PCDHGC5: variants seen among roughly 807,000 people sequenced by gnomAD.
PCDHGC5 encodes protocadherin gamma-C5.
In PCDHGC5, 25 loss-of-function variants were observed where a neutral mutation model predicts 59.0. That is an observed-to-expected ratio of 0.42 (90% CI 0.31 to 0.59). The LOEUF is 0.59. Among genes scored for constraint, PCDHGC5 ranks in the 20% least tolerant of loss-of-function variants. The pLI, the probability that PCDHGC5 is intolerant of heterozygous loss-of-function variation, is 0.13. For missense variants in PCDHGC5, 1,067 were observed against 1,206.4 expected, an observed-to-expected ratio of 0.88 and a Z score of 1.71; for synonymous variants, 434 against 505.5, an observed-to-expected ratio of 0.86 and a Z score of 1.90.
chr5:141,495,939 G>A (rs1408330065), intron 2 of PCDHGC5, among the ~76,000 whole-genome samples: 1 of 151,994 alleles, frequency 6.6e-6, no homozygotes, highest in Non-Finnish European at 1.5e-5. Context: ...TCTGGTCTCT[G>A]TGCCTGTTGT....
rs2099883775 is a variant in PCDHGC5 at position 141,511,415 on chromosome 5, A to G, written c.*242A>G. On this transcript the variant is annotated 3_prime_UTR_variant, in exon 4 of 4. Transcript: ENST00000252087. ...CCCCATCCAATCAACTGCTGTACCC[A>G]TGGGGGTAGTGGGGTTACTGTAGAC... 1.2e-6 allele frequency: 1 copy of G among 868,992 alleles called. No individual in the cohort carries two copies. The highest frequency in any genetic ancestry group is 2.9e-5 in the East Asian group (1 of 34,592). The allele number at this position is 868,992 out of a possible 1,614,324, so 53.8% of individuals were successfully genotyped here.
chr5:141,506,544 G>GT (rs2099854759), intron 3 of PCDHGC5, among the ~76,000 whole-genome samples: 1 of 151,880 alleles, frequency 6.6e-6, no homozygotes, highest in Non-Finnish European at 1.5e-5. Flanking sequence ...GAGTCCTTAG[G>GT]TAAGTTATTA....
At chr5:141,507,171 C>T (rs183042063) in intron 3 of PCDHGC5, 3 of 152,462 alleles carry the variant, frequency 2.0e-5, no homozygotes, top group South Asian at 2.1e-4. Context: ...AGGCTGTCCT[C>T]TTCCTCGAGC....
At position 141,493,774 on chromosome 5, in the gene PCDHGC5, C is replaced by T. The variant is rs2099749996; in HGVS notation, c.2461-1033C>T. On this transcript the variant is annotated intron_variant, in intron 1 of 3. Coordinates refer to ENST00000252087, the MANE Select transcript of PCDHGC5 (RefSeq NM_018929.3). The surrounding 1 kb of genome is among the most constrained non-coding windows in gnomAD (Gnocchi z 4.3). ...GCCTTGAGTGAGCCACTGGCAGTTC[C>T]GGAGCTTCCTTCTCCCTGGAGTAAT... Among the ~76,000 whole-genome samples, 1 of 152,258 alleles carries T rather than the reference C, an allele frequency of 6.6e-6. No homozygotes were observed. The highest frequency in any genetic ancestry group is 1.9e-4 in the East Asian group (1 of 5,176).
rs1193620622 is a variant in PCDHGC5, at chr5:141,512,906, G to A, written c.*1733G>A. On this transcript the variant is annotated 3_prime_UTR_variant, in exon 4 of 4. Coordinates refer to ENST00000252087, the MANE Select transcript of PCDHGC5 (RefSeq NM_018929.3). ...CACCCTCTTCCTGTGTCTCACGCAA[G>A]TTTTATACTCTAATATTTATATGGC... 2.0e-5 allele frequency: 3 copies of A among 152,206 alleles called. No homozygotes were observed. Among genetic ancestry groups the A allele is most frequent in the African/African-American group, 7.2e-5 (3 of 41,438 alleles). The allele number at this position is 152,206 out of a possible 1,614,324, so 9.4% of individuals were successfully genotyped here.
In PCDHGC5 at chr5:141,491,848, C is replaced by A; in HGVS notation, c.2460+148C>A. 1 of 1,461,478 alleles carries A rather than the reference C, an allele frequency of 6.8e-7. No homozygotes were observed. Among genetic ancestry groups the A allele is most frequent in the Non-Finnish European group, 9.1e-7 (1 of 1,104,578 alleles). The allele number at this position is 1,461,478 out of a possible 1,614,324, so 90.5% of individuals were successfully genotyped here. A position where few individuals can be genotyped will look rare whatever the true frequency, so the allele number is the denominator to read the frequency against. On this transcript the variant is annotated intron_variant, in intron 1 of 3. Transcript: ENST00000252087. This position sits in a 1 kb window ranked among gnomAD's most constrained non-coding sequence, Gnocchi z 6.9. ...CACCCGATTCTCGGGATCATTGGAC[C>A]GTTTGCGCGAAACCAGAGTGGCCGA...
chr5:141,496,215 T>C (rs2099767024), intron 2 of PCDHGC5, among the ~76,000 whole-genome samples: 3 of 152,114 alleles, frequency 2.0e-5, no homozygotes, highest in Non-Finnish European at 4.4e-5. Context: ...TATGAATTCC[T>C]GCTGAGACAG....
rs1426255577 is a variant in PCDHGC5, at chr5:141,512,797, TG to T, written c.*1625del. 6.6e-6 allele frequency: 1 copy of T among 152,300 alleles called. No homozygotes were observed. Among genetic ancestry groups the T allele is most frequent in the African/African-American group, 2.4e-5 (1 of 41,444 alleles). The allele number at this position is 152,300 out of a possible 1,614,324, so 9.4% of individuals were successfully genotyped here. On this transcript the variant is annotated 3_prime_UTR_variant, in exon 4 of 4. Transcript: ENST00000252087. ...GCGGCCCGTGTTGTGTTTTGTGCTGTGTCCACGCGCTAAGGCGACCCCCTCC... is the reference window on the plus strand; with the variant it reads ...GCGGCCCGTGTTGTGTTTTGTGCTGTTCCACGCGCTAAGGCGACCCCCTCC...
Position 141,489,160 on chromosome 5 carries a change from C to A in PCDHGC5, c.-81C>A. 1 of 1,029,962 alleles carries A rather than the reference C, an allele frequency of 9.7e-7. No individual in the cohort carries two copies. The highest frequency in any genetic ancestry group is 1.4e-6 in the Non-Finnish European group (1 of 701,366). 63.8% of individuals were successfully genotyped at this position (1,029,962 alleles called of 1,614,324 possible). ...GGCTGGAAGGAGACATAAGAGACTT[C>A]AGCTGCTGCATTCCAAGCCCTGGGT... On this transcript the variant is annotated 5_prime_UTR_variant, in exon 1 of 4. Coordinates refer to ENST00000252087, the MANE Select transcript of PCDHGC5 (RefSeq NM_018929.3). The surrounding 1 kb of genome is among the most constrained non-coding windows in gnomAD (Gnocchi z 4.5).
Position 141,490,849 on chromosome 5 carries a change from C to T in PCDHGC5, c.1609C>T (p.Arg537Ter), listed in dbSNP as rs200640560. The stretch of plus-strand genomic sequence containing the variant: ...GATGCTGCAGATTGTGGTGGGGGTT[C>T]GAGACTCCGGCTCTCCCCCATTGCA... ...LQMLQIVVGVRDSGSPPLHAN... is the reference protein window; with the variant it reads ...LQMLQIVVGV The change falls in exon 1 of 4, where the codon CGA (arginine) becomes TGA (stop). Residue 537 changes from arginine (R) to a stop codon, truncating the protein, a stop_gained. Coordinates refer to ENST00000252087, the MANE Select transcript of PCDHGC5 (RefSeq NM_018929.3). LOFTEE classifies it high-confidence loss of function. This position sits in a 1 kb window ranked among gnomAD's most constrained non-coding sequence, Gnocchi z 5.4. The T allele has an allele frequency of 1.3e-5, 21 of 1,613,748 alleles. No individual in the cohort carries two copies. Among genetic ancestry groups the T allele is most frequent in the Admixed American group, 1.7e-5 (1 of 60,022 alleles).
chr5:141,491,666 G>A lies in PCDHGC5; in HGVS notation c.2426G>A (p.Arg809Gln), dbSNP rs373526771. 9.4e-5 allele frequency: 152 copies of A among 1,613,614 alleles called. No homozygotes were observed. The highest frequency in any genetic ancestry group is 1.2e-4 in the Non-Finnish European group (142 of 1,180,016). The stretch of plus-strand genomic sequence containing the variant: ...CTGGCGCTGGAGCCTGACGCCATCC[G>A]GTCCCGCTCTAATACGCTGCGGGAG... ...TALALEPDAI[R>Q]SRSNTLRERS... is the part of the protein sequence containing the mutation. Residue 809 changes from arginine to glutamine, a missense_variant, in exon 1 of 4, where the codon CGG (arginine) becomes CAG (glutamine). By Grantham distance (43) the Arg-to-Gln change is conservative. Coordinates refer to ENST00000252087, the MANE Select transcript of PCDHGC5 (RefSeq NM_018929.3). This position sits in a 1 kb window ranked among gnomAD's most constrained non-coding sequence, Gnocchi z 6.9.
intron 2 of PCDHGC5, 54 bp from the exon 3 acceptor site, chr5:141,505,339 G>A: frequency 1.2e-6 from 2 of 1,612,236 alleles, no homozygotes; most frequent in Middle Eastern, 3.4e-4. Flanking sequence ...GACAGGAGGG[G>A]CATGAGCTGT....
Position 141,489,391 on chromosome 5 carries a change from G to C in PCDHGC5, c.151G>C (p.Asp51His). 6.2e-7 allele frequency: 1 copy of C among 1,614,174 alleles called. No individual in the cohort carries two copies. The highest frequency in any genetic ancestry group is 8.5e-7 in the Non-Finnish European group (1 of 1,180,022). ...GACGCTGGTGGGGAATGTTGCTCAG[G>C]ATCTGGGCTTAAAGATGACAGATCT... ...PGTLVGNVAQ[D>H]LGLKMTDLLS... Residue 51 changes from aspartate to histidine, a missense_variant, in exon 1 of 4, where the codon GAT (aspartate) becomes CAT (histidine). Transcript: ENST00000252087. This position sits in a 1 kb window ranked among gnomAD's most constrained non-coding sequence, Gnocchi z 4.5.
rs2099883697 is a variant in PCDHGC5, at chr5:141,511,284, G to T, written c.*111G>T. On this transcript the variant is annotated 3_prime_UTR_variant, in exon 4 of 4. Coordinates refer to ENST00000252087, the MANE Select transcript of PCDHGC5 (RefSeq NM_018929.3). ...AGGGCTAACCCCCAGAATACTGGTA[G>T]GGGCCAAGGCCATGCTCCCCTTGGG... 6.5e-7 allele frequency: 1 copy of T among 1,528,258 alleles called. No homozygotes were observed. Among genetic ancestry groups the T allele is most frequent in the African/African-American group, 1.4e-5 (1 of 72,674 alleles). 94.7% of individuals were successfully genotyped at this position (1,528,258 alleles called of 1,614,324 possible). A position where few individuals can be genotyped will look rare whatever the true frequency, so the allele number is the denominator to read the frequency against.
At chr5:141,504,352 G>A (rs2099837588) in intron 2 of PCDHGC5, among the ~76,000 whole-genome samples, 3 of 152,016 alleles carry the variant, frequency 2.0e-5, no homozygotes, top group Admixed American at 1.3e-4. Flanking sequence ...TTTGTGCTAG[G>A]TGCTTCAGTA....
chr5:141,507,495 G>T (rs375483743), intron 3 of PCDHGC5, among the ~76,000 whole-genome samples: 2 of 152,234 alleles, frequency 1.3e-5, no homozygotes, highest in Non-Finnish European at 2.9e-5. Context: ...AGGCAGAGCT[G>T]TCCCAGGTCT....
chr5:141,502,785 A>G (rs576095718), intron 2 of PCDHGC5, among the ~76,000 whole-genome samples: 2 of 150,900 alleles, frequency 1.3e-5, no homozygotes, highest in East Asian at 3.9e-4. Context: ...AATTACCTGG[A>G]TGATTTCTTC....
In PCDHGC5 at chr5:141,491,623, G is replaced by C; in HGVS notation, c.2383G>C (p.Val795Leu). Residue 795 changes from valine to leucine, a missense_variant, in exon 1 of 4, where the codon GTT (valine) becomes CTT (leucine). Physicochemically the swap from Val to Leu is conservative, Grantham distance 32. Coordinates refer to ENST00000252087, the MANE Select transcript of PCDHGC5 (RefSeq NM_018929.3). The surrounding 1 kb of genome is among the most constrained non-coding windows in gnomAD (Gnocchi z 6.9). ...CTTCACTTTTCTAAGACCCCTCAGC[G>C]TTCAGCAGCCCACAGCTCTGGCGCT... ...SDFTFLRPLS[V>L]QQPTALALEP... 1 of 1,613,930 alleles carries C rather than the reference G, an allele frequency of 6.2e-7. No individual in the cohort carries two copies. Among genetic ancestry groups the C allele is most frequent in the Non-Finnish European group, 8.5e-7 (1 of 1,180,020 alleles).
Position 141,493,435 on chromosome 5 carries a change from G to T in PCDHGC5, c.2461-1372G>T, listed in dbSNP as rs150678406. On this transcript the variant is annotated intron_variant, in intron 1 of 3. Coordinates refer to ENST00000252087, the MANE Select transcript of PCDHGC5 (RefSeq NM_018929.3). The surrounding 1 kb of genome is among the most constrained non-coding windows in gnomAD (Gnocchi z 4.3). ...TGGGATTTTGCTTCTGCTGGGATGG[G>T]GCAAGGGTGGGGTTCCTTCCCTTTT... Among the ~76,000 whole-genome samples the T allele has an allele frequency of 6.6e-5, 10 of 152,294 alleles. No individual in the cohort carries two copies. In the East Asian group the frequency reaches 1.7e-3, roughly 26 times the overall value.
Sources: allele counts gnomAD v4.1 joint callset (sites outside exome capture counted in the v4.1 genomes callset), GRCh38; gene constraint gnomAD v4.1.1; non-coding constraint Gnocchi (gnomAD v3.1); transcripts MANE v1.5; gene names NCBI Gene and HGNC (gene_info 2026-07-23, HGNC 2026-07-21).